Variants in PLEKHA8 observed in about 807,000 individuals in gnomAD.
PLEKHA8 encodes the protein pleckstrin homology domain containing A8, also known as pleckstrin homology domain-containing family A member 8.
Under a neutral mutation model 68.2 loss-of-function variants are expected in PLEKHA8, and 36 were observed. The ratio of observed to expected loss-of-function variants is 0.53; its 90% CI spans 0.40 to 0.70. The LOEUF is 0.70. Among genes scored for constraint, PLEKHA8 ranks in the 30% least tolerant of loss-of-function variants. The probability of loss-of-function intolerance (pLI) is 0.00; values close to 1 mark genes in which losing one functional copy is unlikely to be tolerated. For synonymous variants in PLEKHA8, 211 were observed against 216.1 expected (o/e 0.98, Z 0.20); for missense variants, 505 against 615.4 (o/e 0.82, Z 1.90).
At chr7:30,073,610 T>C (rs1415634475) in intron 12 of PLEKHA8, among the ~76,000 whole-genome samples, 1 of 149,936 alleles carries the variant, frequency 6.7e-6, no homozygotes, top group Non-Finnish European at 1.5e-5. Context: ...GCTTTTTTAC[T>C]GCTTTAGATT....
rs560750577 is a variant in PLEKHA8 at position 30,081,827 on chromosome 7, A to G, written c.*3040A>G. On this transcript the variant is annotated 3_prime_UTR_variant, in exon 14 of 14. Transcript: ENST00000449726. ...TTTCATCGTGCCTGTACTTTTCTCT[A>G]TGGTAAAAGCCAGTGTTTACACTTT... The G allele has an allele frequency of 2.2e-5, 22 of 985,428 alleles. No individual in the cohort carries two copies. The highest frequency in any genetic ancestry group is 1.2e-4 in the African/African-American group (7 of 57,376). 61.0% of individuals were successfully genotyped at this position (985,428 alleles called of 1,614,324 possible). A position where few individuals can be genotyped will look rare whatever the true frequency, so the allele number is the denominator to read the frequency against.
intron 13 of PLEKHA8, chr7:30,115,834 A>G (rs111069866): frequency 0.5 from 71,446 of 143,176 alleles, 22,718 homozygotes; most frequent in East Asian, 0.84. Context: ...GCGTGCACAT[A>G]CATGTATACA....
intron 11 of PLEKHA8, 103 bp downstream of exon 11, chr7:30,062,130 A>G (rs1430608507): frequency 5.1e-6 from 7 of 1,383,374 alleles, no homozygotes; most frequent in African/African-American, 1.5e-5. Flanking sequence ...TGAAGGATCT[A>G]GTTGAATTGT....
At position 30,080,330 on chromosome 7, in the gene PLEKHA8, C is replaced by T. The variant is rs555500763; in HGVS notation, c.*1543C>T. ...GTGCATCGGAGAGAAGCCATGGGTA[C>T]CTTCCCCATTAGAGGCTACTTCCTT... On this transcript the variant is annotated 3_prime_UTR_variant, in exon 14 of 14. Coordinates refer to ENST00000449726, the MANE Select transcript of PLEKHA8 (RefSeq NM_001197026.2). The T allele has an allele frequency of 2.2e-5, 22 of 985,302 alleles. No homozygotes were observed. The African/African-American group carries it at 3.8e-4, about 17-fold the overall frequency. 61.0% of individuals were successfully genotyped at this position (985,302 alleles called of 1,614,324 possible).
chr7:30,087,734 C>T (rs550104856), downstream of PLEKHA8, among the ~76,000 whole-genome samples: 53 of 152,326 alleles, frequency 3.5e-4, no homozygotes, highest in African/African-American at 1.3e-3. Context: ...TAAGTCCCTT[C>T]ACAAACTTGG....
At chr7:30,116,165 T>C (rs1310228370) in intron 13 of PLEKHA8, among the ~76,000 whole-genome samples, 1 of 150,880 alleles carries the variant, frequency 6.6e-6, no homozygotes, top group Admixed American at 6.6e-5. Context: ...CACGTATACA[T>C]GTGTATACAT....
At chr7:30,032,793 C>T (rs929464042) in intron 1 of PLEKHA8, among the ~76,000 whole-genome samples, 6 of 152,216 alleles carry the variant, frequency 3.9e-5, no homozygotes, top group Non-Finnish European at 7.3e-5. Context: ...CCTGTGCTTT[C>T]TACTTTGTAG....
intron 12 of PLEKHA8, among the ~76,000 whole-genome samples, chr7:30,070,615 C>T (rs1413109616): frequency 3.3e-5 from 5 of 149,902 alleles, no homozygotes; most frequent in East Asian, 2.0e-4. Flanking sequence ...GGCGTGATCT[C>T]GGCTCACTGC....
rs1794950178 is a variant in PLEKHA8, at chr7:30,081,900, A to G, written c.*3113A>G. The stretch of plus-strand genomic sequence containing the variant: ...TGAATTAAACAAAATATTTTCAATG[A>G]TGGCAAGTCTCTTGACTTTTGAAAG... On this transcript the variant is annotated 3_prime_UTR_variant, in exon 14 of 14. Coordinates refer to ENST00000449726, the MANE Select transcript of PLEKHA8 (RefSeq NM_001197026.2). 1.0e-6 allele frequency: 1 copy of G among 981,178 alleles called. No homozygotes were observed. The highest frequency in any genetic ancestry group is 1.7e-5 in the African/African-American group (1 of 57,162). The allele number at this position is 981,178 out of a possible 1,614,324, so 60.8% of individuals were successfully genotyped here. A position where few individuals can be genotyped will look rare whatever the true frequency, so the allele number is the denominator to read the frequency against.
downstream of PLEKHA8, among the ~76,000 whole-genome samples, chr7:30,085,580 A>G (rs1795151367): frequency 6.6e-6 from 1 of 152,188 alleles, no homozygotes; most frequent in South Asian, 2.1e-4. Flanking sequence ...TGTGCATATT[A>G]GGATACCTAC....
chr7:30,029,299 T>A (rs1364301249), intron 1 of PLEKHA8, among the ~76,000 whole-genome samples: 1 of 152,240 alleles, frequency 6.6e-6, no homozygotes, highest in East Asian at 1.9e-4. Context: ...GTCATCTGCG[T>A]GCACACCAGG....
intron 13 of PLEKHA8, among the ~76,000 whole-genome samples, chr7:30,128,862 G>A (rs1052545752): frequency 1.3e-5 from 2 of 152,138 alleles, no homozygotes; most frequent in African/African-American, 4.8e-5. Context: ...GAGATCACAT[G>A]GCAAGAGAGG....
At chr7:30,128,552 A>C (rs1011146489) in intron 13 of PLEKHA8, among the ~76,000 whole-genome samples, 2 of 152,072 alleles carry the variant, frequency 1.3e-5, no homozygotes, top group Non-Finnish European at 2.9e-5. Context: ...CTCGCTGTCT[A>C]CTGGATTGAT....
intron 6 of PLEKHA8, 133 bp from the exon 7 acceptor site, chr7:30,052,576 A>G: frequency 2.9e-6 from 2 of 687,556 alleles, no homozygotes; most frequent in Non-Finnish European, 4.5e-6. Context: ...AGCCCAGAAG[A>G]TTGCAGTGAG....
chr7:30,047,495 T>A (rs773410549), intron 3 of PLEKHA8, among the ~76,000 whole-genome samples: 3 of 152,204 alleles, frequency 2.0e-5, no homozygotes, highest in Non-Finnish European at 4.4e-5. Context: ...CTGGCAGAAC[T>A]GAGGCCAAAA....
intron 13 of PLEKHA8, among the ~76,000 whole-genome samples, chr7:30,121,427 G>C (rs1258280770): frequency 6.6e-6 from 1 of 152,108 alleles, no homozygotes; most frequent in Non-Finnish European, 1.5e-5. Context: ...TTAGGAGTTC[G>C]AGACCTGCCT....
Position 30,082,929 on chromosome 7 carries a change from A to T in PLEKHA8, c.*4142A>T, listed in dbSNP as rs1053415890. ...TACCATGTCCTACAAGAACTTGGTT[A>T]TATAATGGTGCGTCTCTGAATCACT... is the stretch of plus-strand genomic sequence containing the variant. On this transcript the variant is annotated 3_prime_UTR_variant, in exon 14 of 14. Transcript: ENST00000449726. The T allele has an allele frequency of 1.9e-5, 19 of 985,286 alleles. No homozygotes were observed. In the African/African-American group the frequency reaches 3.0e-4, roughly 15 times the overall value. The allele number at this position is 985,286 out of a possible 1,614,324, so 61.0% of individuals were successfully genotyped here.
chr7:30,077,678 C>G (rs1308247250), intron 13 of PLEKHA8, among the ~76,000 whole-genome samples: 1 of 152,102 alleles, frequency 6.6e-6, no homozygotes, highest in Non-Finnish European at 1.5e-5. Flanking sequence ...GCCAGTCACT[C>G]TCTTACTGCA....
chr7:30,080,362 A>C lies in PLEKHA8; in HGVS notation c.*1575A>C. The C allele has an allele frequency of 3.0e-6, 3 of 985,252 alleles. No homozygotes were observed. Among genetic ancestry groups the C allele is most frequent in the Non-Finnish European group, 3.6e-6 (3 of 829,890 alleles). The allele number at this position is 985,252 out of a possible 1,614,324, so 61.0% of individuals were successfully genotyped here. ...CATTAGAGGCTACTTCCTTCTAGTA[A>C]CAGGAAGGGAAGTTCCAGCATGAGG... On this transcript the variant is annotated 3_prime_UTR_variant, in exon 14 of 14. Coordinates refer to ENST00000449726, the MANE Select transcript of PLEKHA8 (RefSeq NM_001197026.2).
Sources: allele counts gnomAD v4.1 joint callset (sites outside exome capture counted in the v4.1 genomes callset), GRCh38; gene constraint gnomAD v4.1.1; transcripts MANE v1.5; gene names NCBI Gene and HGNC (gene_info 2026-07-23, HGNC 2026-07-21).